Variants in RIMS1 observed in about 807,000 individuals in gnomAD.
RIMS1 encodes the protein regulating synaptic membrane exocytosis protein 1.
In RIMS1, 83 loss-of-function variants were observed where a neutral mutation model predicts 214.1. The observed-to-expected ratio is 0.39, with a 90% CI of 0.32 to 0.47. RIMS1 has a LOEUF of 0.47. Among genes scored for constraint, RIMS1 ranks in the 20% least tolerant of loss-of-function variants. The pLI is 0.99. For missense variants in RIMS1, 2,050 were observed against 2,161.8 expected (o/e 0.95, Z 1.03); for synonymous variants, 793 against 786.8 (o/e 1.01, Z -0.13).
chr6:72,034,214 C>T (rs1325421728), intron 2 of RIMS1, among the ~76,000 whole-genome samples: 2 of 151,966 alleles, frequency 1.3e-5, no homozygotes, highest in African/African-American at 4.8e-5. Flanking sequence ...TTATTATGTC[C>T]CTAAAACTTT....
chr6:72,087,197 G>A (rs1375930361), intron 2 of RIMS1, among the ~76,000 whole-genome samples: 1 of 152,136 alleles, frequency 6.6e-6, no homozygotes, highest in African/African-American at 2.4e-5. Context: ...TCTCAACATA[G>A]GATCCATGAA....
chr6:71,888,441 G>A (rs1768520388), intron 1 of RIMS1, among the ~76,000 whole-genome samples: 1 of 152,184 alleles, frequency 6.6e-6, no homozygotes, highest in South Asian at 2.1e-4. Context: ...TGGGGAGGGA[G>A]CAGGGGTGAA....
chr6:72,180,098 T>C (rs765764801), intron 5 of RIMS1, among the ~76,000 whole-genome samples, 183 bp downstream of exon 5: 1 of 152,230 alleles, frequency 6.6e-6, no homozygotes, highest in African/African-American at 2.4e-5. Flanking sequence ...AGGAGACCTT[T>C]GTTGAAAGCA....
At chr6:72,323,006 G>A (rs1276892264) in intron 28 of RIMS1, among the ~76,000 whole-genome samples, 1 of 152,036 alleles carries the variant, frequency 6.6e-6, no homozygotes, top group Non-Finnish European at 1.5e-5. Context: ...TGCCAGTGCT[G>A]GGGAGATGGA....
chr6:72,195,021 T>A (rs2050643726), intron 6 of RIMS1, among the ~76,000 whole-genome samples: 3 of 102,802 alleles, frequency 2.9e-5, no homozygotes, highest in African/African-American at 8.5e-5. Flanking sequence ...AAAGAAGGTC[T>A]ACTGAAGATT....
intron 29 of RIMS1, among the ~76,000 whole-genome samples, chr6:72,344,154 GAAAT>G (rs368910497): frequency 6.6e-5 from 10 of 151,856 alleles, no homozygotes; most frequent in African/African-American, 2.2e-4. Flanking sequence ...TGCAAGTCAT[GAAAT>G]AAATCAAATG....
intron 1 of RIMS1, among the ~76,000 whole-genome samples, chr6:71,887,571 G>A (rs546576647): frequency 7.2e-5 from 11 of 152,250 alleles, no homozygotes; most frequent in African/African-American, 2.2e-4. Flanking sequence ...TAGAAACAAG[G>A]GGAGGCAGGA....
chr6:72,398,906 A>G, intron 32 of RIMS1, 49 bp from the exon 33 acceptor site: 1 of 1,174,774 alleles, frequency 8.5e-7, no homozygotes, highest in African/African-American at 1.5e-5. Context: ...TTAAAAAAAT[A>G]GTTGAATTTA....
intron 2 of RIMS1, among the ~76,000 whole-genome samples, chr6:72,095,107 C>T (rs912554629): frequency 3.5e-5 from 5 of 142,282 alleles, no homozygotes; most frequent in African/African-American, 7.7e-5. Context: ...ACCGCCACCA[C>T]GCCCGACTAT....
intron 23 of RIMS1, among the ~76,000 whole-genome samples, chr6:72,278,559 TC>T (rs1272151330): frequency 1.3e-5 from 2 of 152,160 alleles, no homozygotes; most frequent in Non-Finnish European, 2.9e-5. Flanking sequence ...CCACATATTT[TC>T]AAAGTTAGTG....
intron 1 of RIMS1, among the ~76,000 whole-genome samples, chr6:71,891,212 G>A (rs976307662): frequency 2.6e-5 from 4 of 152,184 alleles, no homozygotes; most frequent in Non-Finnish European, 5.9e-5. Flanking sequence ...GTTTGTATCC[G>A]AGTGTTTTTA....
chr6:71,941,505 A>G (rs949340195), intron 1 of RIMS1, among the ~76,000 whole-genome samples: 3 of 151,996 alleles, frequency 2.0e-5, no homozygotes, highest in Non-Finnish European at 4.4e-5. Context: ...TGATGTAGCA[A>G]TTTGATTTTA....
chr6:72,289,083 A>G (rs925000022), intron 24 of RIMS1, among the ~76,000 whole-genome samples: 1 of 152,192 alleles, frequency 6.6e-6, no homozygotes, highest in Non-Finnish European at 1.5e-5. Flanking sequence ...AAGTTCACCG[A>G]AATTTTTTAC....
intron 4 of RIMS1, among the ~76,000 whole-genome samples, chr6:72,147,959 C>A (rs2042969795): frequency 6.6e-6 from 1 of 152,154 alleles, no homozygotes; most frequent in African/African-American, 2.4e-5. Context: ...GGGTTCCATT[C>A]CCCTACACTG....
chr6:72,316,972 G>T (rs2095837772), intron 28 of RIMS1: 2 of 600,508 alleles, frequency 3.3e-6, no homozygotes. Flanking sequence ...TGTGGAGAGG[G>T]TCGAGGGCCC....
At chr6:71,974,549 G>A (rs1034911151) in intron 2 of RIMS1, among the ~76,000 whole-genome samples, 8 of 152,120 alleles carry the variant, frequency 5.3e-5, no homozygotes, top group African/African-American at 1.9e-4. Context: ...TCAGTCTCAG[G>A]CACATATGTT....
chr6:72,176,696 A>G (rs2047756855), intron 4 of RIMS1, among the ~76,000 whole-genome samples: 1 of 150,890 alleles, frequency 6.6e-6, no homozygotes, highest in Non-Finnish European at 1.5e-5. Context: ...GACATAGAAA[A>G]AGTTTGGAAT....
At chr6:72,396,475 C>G (rs937038067) in intron 31 of RIMS1, among the ~76,000 whole-genome samples, 1 of 151,932 alleles carries the variant, frequency 6.6e-6, no homozygotes, top group African/African-American at 2.4e-5. Context: ...GTGCTGTGAC[C>G]CAGCAATACA....
At chr6:72,165,908 A>T (rs973184751) in intron 4 of RIMS1, among the ~76,000 whole-genome samples, 1 of 152,178 alleles carries the variant, frequency 6.6e-6, no homozygotes, top group Admixed American at 6.5e-5. Flanking sequence ...GGGAACTGGC[A>T]CCTTAACAAT....
Sources: allele counts gnomAD v4.1 joint callset (sites outside exome capture counted in the v4.1 genomes callset), GRCh38; gene constraint gnomAD v4.1.1; transcripts MANE v1.5; gene names NCBI Gene and HGNC (gene_info 2026-07-23, HGNC 2026-07-21).